The following STAG1 variants were observed in gnomAD, a reference collection of about 807,000 sequenced individuals.
The protein encoded by STAG1 is cohesin subunit SA-1.
Under a neutral mutation model 170.9 loss-of-function variants are expected in STAG1, and 26 were observed. That is an observed-to-expected ratio of 0.15 (90% CI 0.11 to 0.21). The LOEUF (loss-of-function observed/expected upper bound fraction) is 0.21. Ranked by LOEUF, STAG1 falls within the 10% of genes least tolerant of loss-of-function variation. The pLI is 1.00. For synonymous variants in STAG1, 514 were observed against 497.7 expected (o/e 1.03, Z -0.44); for missense variants, 964 against 1,509.5 (o/e 0.64, Z 5.99).
At chr3:136,629,513 TATC>T (rs1940242625) in intron 2 of STAG1, among the ~76,000 whole-genome samples, 1 of 151,866 alleles carries the variant, frequency 6.6e-6, no homozygotes, top group Non-Finnish European at 1.5e-5. Flanking sequence ...ATATATATGA[TATC>T]ATGCTCAGGT....
chr3:136,586,365 C>G (rs562850706), intron 4 of STAG1, among the ~76,000 whole-genome samples: 1 of 152,010 alleles, frequency 6.6e-6, no homozygotes, highest in East Asian at 1.9e-4. Flanking sequence ...AGGGATAAAG[C>G]CTTTGGAAAA....
At chr3:136,367,649 A>G (rs1009183461) in intron 24 of STAG1, among the ~76,000 whole-genome samples, 6 of 152,162 alleles carry the variant, frequency 3.9e-5, no homozygotes, top group Non-Finnish European at 7.4e-5. Flanking sequence ...TTTAAGACAC[A>G]AGGAAAAAGT....
chr3:136,532,019 A>G (rs1935401071), intron 6 of STAG1, among the ~76,000 whole-genome samples: 1 of 152,162 alleles, frequency 6.6e-6, no homozygotes, highest in South Asian at 2.1e-4. Context: ...CAGAAAAGAA[A>G]TAATACAGAT....
At chr3:136,417,815 C>T in intron 21 of STAG1, 70 bp downstream of exon 21, 2 of 1,154,902 alleles carry the variant, frequency 1.7e-6, no homozygotes, top group Non-Finnish European at 1.3e-6. Context: ...TAAAAGGCTT[C>T]TGATAATCAT....
chr3:136,714,963 AT>A (rs1229503377), intron 1 of STAG1, among the ~76,000 whole-genome samples: 2 of 61,702 alleles, frequency 3.2e-5, no homozygotes, highest in South Asian at 5.0e-4. Context: ...ATATATATAT[AT>A]TTTATATATA....
chr3:136,628,808 A>T (rs1429344857), intron 2 of STAG1, among the ~76,000 whole-genome samples: 6 of 152,252 alleles, frequency 3.9e-5, no homozygotes, highest in Admixed American at 6.5e-5. Flanking sequence ...GGCTTCCCGG[A>T]ATATAAAATG....
chr3:136,456,134 C>CA lies in STAG1; in HGVS notation c.1314-3988dup, dbSNP rs1439774590. Among the ~76,000 whole-genome samples, 4 of 152,078 alleles carry CA rather than the reference C, an allele frequency of 2.6e-5. No homozygotes were observed. The East Asian group carries it at 5.8e-4, about 22-fold the overall frequency. On this transcript the variant is annotated intron_variant, in intron 13 of 33. Coordinates refer to ENST00000383202, the MANE Select transcript of STAG1 (RefSeq NM_005862.3). ...TTAAGTCAGGGAAATATTACACTAC[C>CA]AAACAAAACCAGCAGAGGTCCAGCA...
intron 1 of STAG1, among the ~76,000 whole-genome samples, chr3:136,649,371 C>T (rs1184293104): frequency 6.6e-6 from 1 of 151,406 alleles, no homozygotes; most frequent in Admixed American, 6.6e-5. Flanking sequence ...CCCAGCTACT[C>T]TGGAGGCTGA....
chr3:136,434,355 T>C (rs1327038337), intron 15 of STAG1, among the ~76,000 whole-genome samples: 1 of 152,154 alleles, frequency 6.6e-6, no homozygotes, highest in Non-Finnish European at 1.5e-5. Flanking sequence ...GAACACTAGA[T>C]GTTATAAACC....
At chr3:136,436,330 G>A (rs965393037) in intron 15 of STAG1, among the ~76,000 whole-genome samples, 2 of 149,236 alleles carry the variant, frequency 1.3e-5, no homozygotes, top group African/African-American at 4.9e-5. Flanking sequence ...CACCCAGGCT[G>A]GAGTACAGTG....
At chr3:136,670,479 G>T (rs967414681) in intron 1 of STAG1, among the ~76,000 whole-genome samples, 12 of 151,962 alleles carry the variant, frequency 7.9e-5, no homozygotes, top group Non-Finnish European at 1.8e-4. Flanking sequence ...ACCTTTTTTG[G>T]GGGGTGGGTG....
rs1389923408 is a variant in STAG1, at chr3:136,337,763, T to C, written c.*491A>G. Reference sequence around the variant, plus strand: ...AATCCAGTGAACTCCAAAACACTCTTCGCAATTAGGATGAGCTGCTTACTC... The same window carrying C: ...AATCCAGTGAACTCCAAAACACTCTCCGCAATTAGGATGAGCTGCTTACTC... On this transcript the variant is annotated 3_prime_UTR_variant, in exon 34 of 34. Transcript: ENST00000383202. 1 of 152,864 alleles carries C rather than the reference T, an allele frequency of 6.5e-6. No homozygotes were observed. Among genetic ancestry groups the C allele is most frequent in the Non-Finnish European group, 1.5e-5 (1 of 68,226 alleles). 9.5% of individuals were successfully genotyped at this position (152,864 alleles called of 1,614,324 possible).
intron 28 of STAG1, among the ~76,000 whole-genome samples, chr3:136,353,266 G>A (rs1936506094): frequency 1.3e-5 from 2 of 152,128 alleles, no homozygotes; most frequent in African/African-American, 4.8e-5. Flanking sequence ...GAGTAACCAA[G>A]GTAGCAGACG....
chr3:136,561,291 G>T (rs906382383), intron 5 of STAG1, among the ~76,000 whole-genome samples: 16 of 152,232 alleles, frequency 1.1e-4, no homozygotes, highest in African/African-American at 2.6e-4. Flanking sequence ...TCAGTTAATT[G>T]TGAGTCAGTT....
At chr3:136,449,066 C>T (rs1048340272) in intron 14 of STAG1, among the ~76,000 whole-genome samples, 4 of 152,232 alleles carry the variant, frequency 2.6e-5, no homozygotes, top group Non-Finnish European at 4.4e-5. Context: ...AATTGGAATA[C>T]CATCATACTA....
At chr3:136,580,112 C>T (rs553579864) in intron 4 of STAG1, among the ~76,000 whole-genome samples, 24 of 151,770 alleles carry the variant, frequency 1.6e-4, no homozygotes, top group Middle Eastern at 3.4e-3. Context: ...GGACTACAGG[C>T]GTGCACCACC....
chr3:136,714,431 A>T (rs1474385348), intron 1 of STAG1, among the ~76,000 whole-genome samples: 1 of 151,976 alleles, frequency 6.6e-6, no homozygotes, highest in African/African-American at 2.4e-5. Context: ...CATCTCTAGG[A>T]AAAATAAGAA....
At chr3:136,401,202 C>G (rs141943936) in intron 21 of STAG1, among the ~76,000 whole-genome samples, 153 of 152,272 alleles carry the variant, frequency 1.0e-3, no homozygotes, top group African/African-American at 3.2e-3. Flanking sequence ...GTTCCCAGGC[C>G]ACATTTTGAG....
chr3:136,477,777 G>C (rs561153202), intron 9 of STAG1, among the ~76,000 whole-genome samples: 2 of 152,062 alleles, frequency 1.3e-5, no homozygotes, highest in African/African-American at 2.4e-5. Context: ...TTTCTCAAAA[G>C]AACTGTTAAT....
Sources: gnomAD v4.1 joint callset for allele counts (sites outside exome capture counted in the v4.1 genomes callset) on GRCh38, gnomAD v4.1.1 for gene constraint, MANE v1.5 for transcripts, NCBI Gene and HGNC (gene_info 2026-07-23, HGNC 2026-07-21) for gene names.